GDAP2: variants seen among roughly 807,000 people sequenced by gnomAD.
GDAP2 encodes ganglioside induced differentiation associated protein 2.
In GDAP2, 51 loss-of-function variants were observed where a neutral mutation model predicts 67.0. The ratio of observed to expected loss-of-function variants is 0.76; its 90% CI spans 0.61 to 0.96. The LOEUF (loss-of-function observed/expected upper bound fraction) is 0.96, where lower values mean the gene tolerates loss of function less well. GDAP2 is among the 40% of genes least tolerant of loss of function. The pLI is 0.00. For missense variants in GDAP2, 547 were observed against 588.3 expected, an observed-to-expected ratio of 0.93 and a Z score of 0.73; for synonymous variants, 203 against 207.3, an observed-to-expected ratio of 0.98 and a Z score of 0.18.
chr1:117,924,405 A>G (rs960569580), intron 1 of GDAP2, among the ~76,000 whole-genome samples: 1 of 152,170 alleles, frequency 6.6e-6, no homozygotes, highest in African/African-American at 2.4e-5. Context: ...TTCCTGCATT[A>G]GTTTGCTTAG....
At chr1:117,905,207 A>G (rs1649615466) in intron 6 of GDAP2, among the ~76,000 whole-genome samples, 1 of 152,196 alleles carries the variant, frequency 6.6e-6, no homozygotes, top group African/African-American at 2.4e-5. Context: ...TAAAACAGAA[A>G]TTAGATGACA....
chr1:117,920,233 AC>A lies in GDAP2; in HGVS notation c.124del (p.Val42PhefsTer25), dbSNP rs774149476. 6.8e-6 allele frequency: 11 copies of A among 1,609,632 alleles called. No individual in the cohort carries two copies. Among genetic ancestry groups the A allele is most frequent in the Non-Finnish European group, 9.3e-6 (11 of 1,176,680 alleles). On this transcript the variant is annotated frameshift_variant, in exon 2 of 14. Coordinates refer to ENST00000369443, the MANE Select transcript of GDAP2 (RefSeq NM_017686.4). LOFTEE classifies it high-confidence loss of function. ...TTAEIFQEDT[V>X]RSPFLYNKDV... is the part of the protein sequence containing the mutation. ...CTTATTATAAAGAAAAGGTGATCGA[AC>A]AGTGTCTTCCTGAAATATTTCAGCT...
intron 13 of GDAP2, among the ~76,000 whole-genome samples, chr1:117,874,263 T>G (rs1019537283): frequency 1.3e-5 from 2 of 152,172 alleles, no homozygotes; most frequent in Non-Finnish European, 2.9e-5. Context: ...CTCATAAATG[T>G]CTTGGTGCTG....
At chr1:117,915,680 C>T (rs558965317) in intron 3 of GDAP2, among the ~76,000 whole-genome samples, 1 of 152,130 alleles carries the variant, frequency 6.6e-6, no homozygotes, top group Non-Finnish European at 1.5e-5. Context: ...CAGGTTCATA[C>T]AACAAACAAA....
At chr1:117,878,359 G>C (rs1461496576) in intron 12 of GDAP2, among the ~76,000 whole-genome samples, 1 of 152,188 alleles carries the variant, frequency 6.6e-6, no homozygotes, top group Non-Finnish European at 1.5e-5. Flanking sequence ...ACACTGACTA[G>C]AGACTATAAG....
chr1:117,908,669 T>A (rs60853096), intron 5 of GDAP2, among the ~76,000 whole-genome samples: 4,080 of 151,744 alleles, frequency 0.027, 178 homozygotes, highest in African/African-American at 0.089. Flanking sequence ...AAATTTTTTT[T>A]AAAAAATTAG....
Position 117,877,160 on chromosome 1 carries a change from C to T in GDAP2, c.1446+849G>A, listed in dbSNP as rs138519904. The stretch of plus-strand genomic sequence containing the variant: ...ATTAGCCATTAGATCACATTATACA[C>T]TTTACTCTGCACATAAGGGGAAAAA... On this transcript the variant is annotated intron_variant, in intron 13 of 13. Transcript: ENST00000369443. 835 of 300,576 alleles carry T rather than the reference C, an allele frequency of 2.8e-3. 1 individual carries two copies. Among genetic ancestry groups the T allele is most frequent in the Non-Finnish European group, 3.8e-3 (765 of 203,782 alleles). 18.6% of individuals were successfully genotyped at this position (300,576 alleles called of 1,614,324 possible).
At chr1:117,907,412 G>A (rs1649693477) in intron 5 of GDAP2, among the ~76,000 whole-genome samples, 1 of 152,066 alleles carries the variant, frequency 6.6e-6, no homozygotes, top group African/African-American at 2.4e-5. Flanking sequence ...ATGCCTATTA[G>A]GTATATCTGC....
At chr1:117,905,221 T>C (rs1354043515) in intron 6 of GDAP2, among the ~76,000 whole-genome samples, 2 of 152,184 alleles carry the variant, frequency 1.3e-5, no homozygotes, top group Non-Finnish European at 2.9e-5. Context: ...GATGACATCA[T>C]TTGTTTGTGT....
chr1:117,882,453 C>G (rs543062289), intron 11 of GDAP2, among the ~76,000 whole-genome samples: 117 of 152,262 alleles, frequency 7.7e-4, no homozygotes, highest in Non-Finnish European at 1.1e-3. Context: ...GAGCCAGGAA[C>G]TGAACCCAGG....
intron 10 of GDAP2, among the ~76,000 whole-genome samples, chr1:117,884,931 T>C (rs1179630307): frequency 1.3e-5 from 2 of 151,928 alleles, no homozygotes; most frequent in African/African-American, 4.8e-5. Flanking sequence ...TTGCAACCTC[T>C]GCATCCTGGG....
At chr1:117,871,873 CA>C (rs1648297372) in intron 13 of GDAP2, among the ~76,000 whole-genome samples, 2 of 152,002 alleles carry the variant, frequency 1.3e-5, no homozygotes, top group Non-Finnish European at 2.9e-5. Flanking sequence ...TTCTGCACAG[CA>C]AACGAAATTA....
At chr1:117,921,669 G>GT (rs1650260107) in intron 1 of GDAP2, among the ~76,000 whole-genome samples, 1 of 152,182 alleles carries the variant, frequency 6.6e-6, no homozygotes, top group Non-Finnish European at 1.5e-5. Flanking sequence ...GTAAACTATG[G>GT]TAAGAAGTTT....
At chr1:117,899,446 C>T (rs1649374426) in intron 6 of GDAP2, among the ~76,000 whole-genome samples, 1 of 152,078 alleles carries the variant, frequency 6.6e-6, no homozygotes, top group South Asian at 2.1e-4. Flanking sequence ...CTAACAATTC[C>T]AGGTCACTGA....
At position 117,891,577 on chromosome 1, in the gene GDAP2, T is replaced by G. The variant is rs574039606; in HGVS notation, c.954-3803A>C. On this transcript the variant is annotated intron_variant, in intron 8 of 13. Coordinates refer to ENST00000369443, the MANE Select transcript of GDAP2 (RefSeq NM_017686.4). The stretch of plus-strand genomic sequence containing the variant: ...CCTGTTCCTATCATTTTTCCATTTT[T>G]TATTGGGTTATTTGATTGTTTCTCA... Among the ~76,000 whole-genome samples the G allele has an allele frequency of 4.6e-5, 7 of 152,182 alleles. 1 individual carries two copies. In the South Asian group the frequency reaches 1.5e-3, roughly 32 times the overall value.
chr1:117,875,544 T>C (rs1011243315), intron 13 of GDAP2, among the ~76,000 whole-genome samples: 1 of 152,120 alleles, frequency 6.6e-6, no homozygotes, highest in African/African-American at 2.4e-5. Flanking sequence ...AGCTGTGGGG[T>C]TGGGTTGCTC....
intron 13 of GDAP2, chr1:117,877,596 G>A (rs1648508116): frequency 1.0e-6 from 1 of 984,892 alleles, no homozygotes; most frequent in Non-Finnish European, 1.2e-6. Flanking sequence ...CTTTTAGCAG[G>A]GTAAAGACTA....
In GDAP2 at chr1:117,866,002, T is replaced by C. The variant is rs1648048385; in HGVS notation, c.*4567A>G. On this transcript the variant is annotated 3_prime_UTR_variant, in exon 14 of 14. Transcript: ENST00000369443. ...ATATGTGTGTGTGCATGCATGTATA[T>C]GTATATATGGTTAGGCCTACCAGGC... 6.6e-6 allele frequency: 1 copy of C among 152,206 alleles called. No homozygotes were observed. Among genetic ancestry groups the C allele is most frequent in the Non-Finnish European group, 1.5e-5 (1 of 68,040 alleles). The allele number at this position is 152,206 out of a possible 1,614,324, so 9.4% of individuals were successfully genotyped here.
intron 13 of GDAP2, among the ~76,000 whole-genome samples, chr1:117,872,434 T>A (rs1422530716): frequency 6.6e-6 from 1 of 152,042 alleles, no homozygotes; most frequent in Non-Finnish European, 1.5e-5. Flanking sequence ...AGACATGGAA[T>A]CAACCCAAAT....
Sources: gnomAD v4.1 joint callset for allele counts (sites outside exome capture counted in the v4.1 genomes callset) on GRCh38, gnomAD v4.1.1 for gene constraint, MANE v1.5 for transcripts, NCBI Gene and HGNC (gene_info 2026-07-23, HGNC 2026-07-21) for gene names.